Variants in KIAA1217 observed in about 807,000 individuals in gnomAD.
KIAA1217 encodes the protein sickle tail protein homolog.
KIAA1217 carries 88 observed loss-of-function variants against 163.9 expected under a neutral mutation model. The observed-to-expected ratio is 0.54, with a 90% CI of 0.45 to 0.64. KIAA1217 has a LOEUF of 0.64. Ranked by LOEUF, KIAA1217 falls within the 30% of genes least tolerant of loss-of-function variation. The probability of loss-of-function intolerance (pLI) is 0.00; values close to 1 mark genes in which losing one functional copy is unlikely to be tolerated. For missense variants in KIAA1217, 2,372 were observed against 2,475.0 expected, an observed-to-expected ratio of 0.96 and a Z score of 0.88; for synonymous variants, 903 against 923.1, an observed-to-expected ratio of 0.98 and a Z score of 0.39.
intron 2 of KIAA1217, chr10:24,255,393 G>C (rs768856914): frequency 5.9e-6 from 2 of 339,650 alleles, no homozygotes; most frequent in Non-Finnish European, 1.2e-5. Context: ...GAGAATGGAC[G>C]AGCTGGTTGT....
In KIAA1217 at chr10:24,545,630, G is replaced by A. The variant is rs144038595; in HGVS notation, c.5335-197G>A. On this transcript the variant is annotated intron_variant, in intron 20 of 20. Coordinates refer to ENST00000376454, the MANE Select transcript of KIAA1217 (RefSeq NM_019590.5). ...TGTATTCTTCCTTTCCTCCTTTCCC[G>A]TCCATCCTTTGCTATGTACATGGGG... 204 of 1,384,048 alleles carry A rather than the reference G, an allele frequency of 1.5e-4. 1 individual carries two copies. In the East Asian group the frequency reaches 4.8e-3, roughly 32 times the overall value. 85.7% of individuals were successfully genotyped at this position (1,384,048 alleles called of 1,614,324 possible). A position where few individuals can be genotyped will look rare whatever the true frequency, so the allele number is the denominator to read the frequency against.
chr10:23,893,148 G>C (rs1391951241), intron 1 of KIAA1217, among the ~76,000 whole-genome samples: 1 of 152,000 alleles, frequency 6.6e-6, no homozygotes, highest in Non-Finnish European at 1.5e-5. Context: ...GTAAGCTATT[G>C]ATTATTGTCA....
In KIAA1217 at chr10:23,824,640, AAAAAAAAAAAT is replaced by A. The variant is rs201175153; in HGVS notation, c.-321+129415_-321+129425del. Among the ~76,000 whole-genome samples, 761 of 84,944 alleles carry A rather than the reference AAAAAAAAAAAT, an allele frequency of 9.0e-3. 12 individuals carry two copies. Among genetic ancestry groups the A allele is most frequent in the African/African-American group, 0.038 (727 of 19,104 alleles). The allele number at this position is 84,944 out of a possible 152,430, so 55.7% of individuals were successfully genotyped here. On this transcript the variant is annotated intron_variant, in intron 1 of 18. Transcript: ENST00000376462. ...TGAAACTCTGTCTCAAGAAAAAAAA[AAAAAAAAAAAT>A]AAAAAAAATATATATATATATATAT...
chr10:24,086,773 C>A (rs2061711813), intron 2 of KIAA1217, among the ~76,000 whole-genome samples: 1 of 152,086 alleles, frequency 6.6e-6, no homozygotes. Flanking sequence ...GGAGGGAGAT[C>A]ATTATAGGCA....
chr10:24,348,252 C>T (rs148027661), intron 2 of KIAA1217, among the ~76,000 whole-genome samples: 1,649 of 152,120 alleles, frequency 0.011, 35 homozygotes, highest in African/African-American at 0.038. Flanking sequence ...GAGGCAGAAT[C>T]GCTTGAACCT....
intron 3 of KIAA1217, among the ~76,000 whole-genome samples, chr10:24,427,122 G>C (rs957087645): frequency 6.6e-6 from 1 of 152,054 alleles, no homozygotes; most frequent in East Asian, 1.9e-4. Flanking sequence ...CAGTGTTCAG[G>C]CTTCTCAGGG....
At position 24,482,409 on chromosome 10, in the gene KIAA1217, G is replaced by A. The variant is rs368789698; in HGVS notation, c.1679+8349G>A. 15 of 152,310 alleles carry A rather than the reference G, an allele frequency of 9.8e-5. No individual in the cohort carries two copies. The East Asian group carries it at 1.2e-3, about 12-fold the overall frequency. The allele number at this position is 152,310 out of a possible 1,614,324, so 9.4% of individuals were successfully genotyped here. ...GCCAACTAGAACTTCAAAGAGAAGAGGAATAGCTTAGGTGCAGAGTAAGCC... is the reference window on the plus strand; with the variant it reads ...GCCAACTAGAACTTCAAAGAGAAGAAGAATAGCTTAGGTGCAGAGTAAGCC... On this transcript the variant is annotated intron_variant, in intron 6 of 20. Coordinates refer to ENST00000376454, the MANE Select transcript of KIAA1217 (RefSeq NM_019590.5).
At chr10:24,491,690 G>T (rs2066173080) in intron 6 of KIAA1217, among the ~76,000 whole-genome samples, 1 of 152,140 alleles carries the variant, frequency 6.6e-6, no homozygotes, top group African/African-American at 2.4e-5. Context: ...GCCCTAACCA[G>T]CATTGTTCTT....
intron 5 of KIAA1217, among the ~76,000 whole-genome samples, chr10:24,469,365 T>G (rs2063261873): frequency 6.6e-6 from 1 of 152,020 alleles, no homozygotes; most frequent in African/African-American, 2.4e-5. Context: ...CCTCAAGTGA[T>G]CCGCCCACCT....
chr10:23,819,876 A>G (rs1837539123), intron 1 of KIAA1217, among the ~76,000 whole-genome samples: 1 of 152,186 alleles, frequency 6.6e-6, no homozygotes, highest in South Asian at 2.1e-4. Flanking sequence ...ATGCTCTTGA[A>G]TAAGCCATCC....
chr10:24,448,968 A>G (rs936498689), intron 5 of KIAA1217, among the ~76,000 whole-genome samples: 5 of 152,250 alleles, frequency 3.3e-5, no homozygotes, highest in African/African-American at 9.6e-5. Flanking sequence ...GTTCAGGCTC[A>G]TGAAATCCTT....
In KIAA1217 at chr10:24,225,032, A is replaced by G. The variant is rs539974724; in HGVS notation, c.354+5123A>G. On this transcript the variant is annotated intron_variant, in intron 2 of 20. Coordinates refer to ENST00000376454, the MANE Select transcript of KIAA1217 (RefSeq NM_019590.5). ...TAGTAGAGACGGGGTTCACTGTGTT[A>G]GCCAGGATGGTCTCGATCTCCTGAC... 9.7e-4 allele frequency among the ~76,000 whole-genome samples: 148 copies of G among 152,070 alleles called. 1 individual carries two copies. The highest frequency in any genetic ancestry group is 9.4e-4 in the Non-Finnish European group (64 of 67,968).
At chr10:24,147,197 T>C (rs761166155) in intron 2 of KIAA1217, among the ~76,000 whole-genome samples, 3 of 152,196 alleles carry the variant, frequency 2.0e-5, no homozygotes, top group Admixed American at 6.5e-5. Flanking sequence ...CATGTTTTCA[T>C]TGCAGACATC....
At chr10:23,907,312 G>T (rs1842203192) in intron 1 of KIAA1217, among the ~76,000 whole-genome samples, 1 of 151,868 alleles carries the variant, frequency 6.6e-6, no homozygotes, top group Non-Finnish European at 1.5e-5. Context: ...GTGTGTGTGT[G>T]TGTGTGTATG....
chr10:24,545,463 G>A (rs2075629197), intron 20 of KIAA1217: 2 of 1,276,200 alleles, frequency 1.6e-6, no homozygotes, highest in Non-Finnish European at 2.0e-6. Flanking sequence ...CACTACTAAC[G>A]TCTATGTTGA....
chr10:24,520,671 T>TACACACACCC (rs1208994040), intron 11 of KIAA1217, among the ~76,000 whole-genome samples: 1 of 59,354 alleles, frequency 1.7e-5, no homozygotes, highest in Non-Finnish European at 3.3e-5. Context: ...TATATATATA[T>TACACACACCC]ATATACACAC....
At chr10:24,348,675 A>G (rs1348128430) in intron 2 of KIAA1217, among the ~76,000 whole-genome samples, 1 of 152,212 alleles carries the variant, frequency 6.6e-6, no homozygotes, top group Admixed American at 6.5e-5. Context: ...CCACCACTGC[A>G]TGTTCCATAG....
intron 1 of KIAA1217, among the ~76,000 whole-genome samples, chr10:23,955,328 G>A (rs1279626523): frequency 6.6e-6 from 1 of 152,208 alleles, no homozygotes; most frequent in Non-Finnish European, 1.5e-5. Context: ...GCAAATACAT[G>A]TCGTTATCAC....
At chr10:24,463,913 T>C (rs906254194) in intron 5 of KIAA1217, among the ~76,000 whole-genome samples, 6 of 152,224 alleles carry the variant, frequency 3.9e-5, no homozygotes, top group African/African-American at 1.4e-4. Flanking sequence ...GTAATGGCTG[T>C]AATGTCCCAA....
Sources: gnomAD v4.1 joint callset for allele counts (sites outside exome capture counted in the v4.1 genomes callset) on GRCh38, gnomAD v4.1.1 for gene constraint, MANE v1.5 for transcripts, NCBI Gene and HGNC (gene_info 2026-07-23, HGNC 2026-07-21) for gene names.